AKAP13: variants seen among roughly 807,000 people sequenced by gnomAD.
AKAP13 encodes A-kinase anchoring protein 13.
A neutral mutation model predicts 264.5 loss-of-function variants in AKAP13; 80 were observed. The observed-to-expected ratio is 0.30, with a 90% CI of 0.25 to 0.36. The LOEUF (loss-of-function observed/expected upper bound fraction) is 0.36, where lower values mean the gene tolerates loss of function less well. Ranked by LOEUF, AKAP13 falls within the 10% of genes least tolerant of loss-of-function variation. AKAP13 has a pLI of 1.00. For synonymous variants in AKAP13, 1,380 were observed against 1,250.2 expected (o/e 1.10, Z -2.19); for missense variants, 3,712 against 3,435.2 (o/e 1.08, Z -2.01).
Position 85,744,611 on chromosome 15 carries a change from G to C in AKAP13, c.8393-17G>C. On this transcript the variant is annotated splice_polypyrimidine_tract_variant and intron_variant, in intron 36 of 36. Coordinates refer to ENST00000394518, the MANE Select transcript of AKAP13 (RefSeq NM_007200.5). ...GTTTTTCTGAATTTTTTTCATTCTT[G>C]GTTTTCACATTTCCAGATGGTCCCG... 6.2e-7 allele frequency: 1 copy of C among 1,613,756 alleles called. No individual in the cohort carries two copies. Among genetic ancestry groups the C allele is most frequent in the Non-Finnish European group, 8.5e-7 (1 of 1,179,866 alleles).
intron 17 of AKAP13, among the ~76,000 whole-genome samples, chr15:85,706,770 CAG>C (rs2086291247): frequency 1.3e-5 from 2 of 152,136 alleles, no homozygotes. Flanking sequence ...GTCCCTGCCC[CAG>C]AGAGGGGATA....
chr15:85,564,694 A>G (rs546313554), intron 5 of AKAP13, among the ~76,000 whole-genome samples: 5 of 152,258 alleles, frequency 3.3e-5, no homozygotes, highest in Non-Finnish European at 7.3e-5. Flanking sequence ...TTACTTCCTT[A>G]GATTATCTGT....
In AKAP13 at chr15:85,735,004, A is replaced by G; in HGVS notation, c.7295A>G (p.Gln2432Arg). ...TCCTTTATTCCAGTGGAGATCCTTC[A>G]GGGTTTGGTGAGTGGAAATCTGGGA... Reference protein sequence around the residue: ...KSAINEVEILQGLVSGNLGGT... With the variant: ...KSAINEVEILRGLVSGNLGGT... The change falls in exon 31 of 37, where the codon CAG (glutamine) becomes CGG (arginine). Residue 2432 changes from glutamine to arginine, a missense_variant. By Grantham distance (43) the Gln-to-Arg change is conservative (BLOSUM62 1). This residue lies in a region of AKAP13 where 611 missense variants were observed against 539.3 expected (regional missense o/e 1.13). Transcript: ENST00000394518. The G allele has an allele frequency of 1.2e-6, 2 of 1,613,422 alleles. No individual in the cohort carries two copies.
At chr15:85,386,594 A>T (rs1032912885) in intron 1 of AKAP13, among the ~76,000 whole-genome samples, 1 of 152,156 alleles carries the variant, frequency 6.6e-6, no homozygotes, top group African/African-American at 2.4e-5. Flanking sequence ...CGGCTCGCCT[A>T]GAAGTTTTAT....
intron 30 of AKAP13, among the ~76,000 whole-genome samples, 187 bp from the exon 31 acceptor site, chr15:85,734,805 A>G (rs2088319964): frequency 6.6e-6 from 1 of 152,204 alleles, no homozygotes; most frequent in Non-Finnish European, 1.5e-5. Flanking sequence ...TCTCATCTCT[A>G]AATTTCTAGT....
intron 1 of AKAP13, among the ~76,000 whole-genome samples, chr15:85,382,376 T>G (rs183171378): frequency 6.6e-6 from 1 of 152,324 alleles, no homozygotes; most frequent in Admixed American, 6.5e-5. Context: ...CTGATGAAGC[T>G]AAAGACAAAT....
At chr15:85,446,300 G>A (rs2073896625) in intron 1 of AKAP13, among the ~76,000 whole-genome samples, 2 of 152,182 alleles carry the variant, frequency 1.3e-5, no homozygotes, top group South Asian at 4.1e-4. Context: ...AACGACTTGG[G>A]CAGCAGGGGT....
In AKAP13 at chr15:85,659,817, A is replaced by G. The variant is rs558397077; in HGVS notation, c.4799+1227A>G. 2.0e-5 allele frequency among the ~76,000 whole-genome samples: 3 copies of G among 152,322 alleles called. No individual in the cohort carries two copies. The South Asian group carries it at 6.2e-4, about 32-fold the overall frequency. On this transcript the variant is annotated intron_variant, in intron 12 of 36. Coordinates refer to ENST00000394518, the MANE Select transcript of AKAP13 (RefSeq NM_007200.5). ...AACGTAATGTATAATTTAAAATTTT[A>G]TAAAATTGAAACATTACAACAGGTA... is the stretch of plus-strand genomic sequence containing the variant.
chr15:85,721,186 C>T (rs1238888598), intron 23 of AKAP13, among the ~76,000 whole-genome samples: 1 of 152,234 alleles, frequency 6.6e-6, no homozygotes, highest in Non-Finnish European at 1.5e-5. Flanking sequence ...CAGTTTAACT[C>T]ATAGTATCCG....
chr15:85,683,644 A>AT (rs1259904077), intron 15 of AKAP13: 3 of 151,868 alleles, frequency 2.0e-5, no homozygotes, highest in Non-Finnish European at 2.9e-5. Context: ...TAATTTTTGT[A>AT]TTTTTTAGTA....
chr15:85,655,074 C>T (rs745852382), intron 10 of AKAP13, among the ~76,000 whole-genome samples: 4 of 152,092 alleles, frequency 2.6e-5, no homozygotes, highest in Non-Finnish European at 2.9e-5. Context: ...TGCCTGTAAT[C>T]CCAGCTACTT....
intron 5 of AKAP13, among the ~76,000 whole-genome samples, chr15:85,571,222 G>A (rs10520593): frequency 0.62 from 94,143 of 151,782 alleles, 29,336 homozygotes; most frequent in Middle Eastern, 0.72. Context: ...TCTCAACCAC[G>A]CTGATACTTT....
chr15:85,467,171 A>C (rs1450834954), intron 1 of AKAP13, among the ~76,000 whole-genome samples: 1 of 152,102 alleles, frequency 6.6e-6, no homozygotes, highest in African/African-American at 2.4e-5. Flanking sequence ...ACTGTTGATT[A>C]TTCATTTGTG....
At chr15:85,438,206 T>C (rs1045871089) in intron 1 of AKAP13, among the ~76,000 whole-genome samples, 2 of 140,908 alleles carry the variant, frequency 1.4e-5, no homozygotes, top group Middle Eastern at 3.2e-3. Context: ...ATGAGTGAAC[T>C]CCCATTCACA....
chr15:85,658,582 T>C lies in AKAP13; in HGVS notation c.4791T>C (p.His1597=). The change falls in exon 12 of 37, where the codon CAT becomes CAC. Residue 1597 remains histidine, a synonymous_variant. Transcript: ENST00000394518. ...ATGTTGTCAGGAGACCTCCCATTCA[T>C]AGGAGAAGGTACAGAGTTCATTAAC... ...LGDVVRRPPI[H]RRSFSLEGLT... 1.9e-6 allele frequency: 3 copies of C among 1,613,768 alleles called. No individual in the cohort carries two copies. The highest frequency in any genetic ancestry group is 2.5e-6 in the Non-Finnish European group (3 of 1,179,790).
At chr15:85,693,170 CAA>C in intron 16 of AKAP13, 105 bp from the exon 17 acceptor site, 1 of 1,400,452 alleles carries the variant, frequency 7.1e-7, no homozygotes, top group Non-Finnish European at 9.2e-7. Context: ...CACTCCTTTC[CAA>C]AATAGTCACC....
chr15:85,403,763 C>T (rs902883125), intron 1 of AKAP13, among the ~76,000 whole-genome samples: 1 of 151,322 alleles, frequency 6.6e-6, no homozygotes, highest in African/African-American at 2.4e-5. Flanking sequence ...ATCGCTTGAA[C>T]CCGGGAGGTG....
At chr15:85,652,041 G>T (rs1314846054) in intron 10 of AKAP13, among the ~76,000 whole-genome samples, 4 of 152,168 alleles carry the variant, frequency 2.6e-5, no homozygotes, top group Non-Finnish European at 5.9e-5. Context: ...ATGAGTATAA[G>T]AATATTATTC....
intron 9 of AKAP13, 55 bp from the exon 10 acceptor site, chr15:85,645,763 T>C: frequency 6.7e-7 from 1 of 1,490,202 alleles, no homozygotes; most frequent in Non-Finnish European, 8.8e-7. Flanking sequence ...CTTTTTGTTT[T>C]TTGGTTTTTT....
Sources: allele counts gnomAD v4.1 joint callset (sites outside exome capture counted in the v4.1 genomes callset), GRCh38; gene constraint gnomAD v4.1.1; regional missense constraint gnomAD v4.1.1; transcripts MANE v1.5; gene names NCBI Gene and HGNC (gene_info 2026-07-23, HGNC 2026-07-21).